Variants in DNER observed in about 807,000 individuals in gnomAD.
DNER encodes delta and Notch-like epidermal growth factor-related receptor.
DNER carries 33 observed loss-of-function variants against 78.2 expected under a neutral mutation model. The ratio of observed to expected loss-of-function variants is 0.42; its 90% confidence interval spans 0.32 to 0.56. DNER has a LOEUF of 0.56. Among genes scored for constraint, DNER ranks in the 20% least tolerant of loss-of-function variants. The probability of loss-of-function intolerance (pLI) is 0.11; values close to 1 mark genes in which losing one functional copy is unlikely to be tolerated. For synonymous variants in DNER, 417 were observed against 384.8 expected, an observed-to-expected ratio of 1.08 and a Z score of -0.98; for missense variants, 918 against 975.3, an observed-to-expected ratio of 0.94 and a Z score of 0.78.
chr2:229,668,528 GTGTGTGTGTATATATATATATATATATA>G (rs1266488851), intron 1 of DNER, among the ~76,000 whole-genome samples: 33 of 49,598 alleles, frequency 6.7e-4, no homozygotes, highest in South Asian at 3.3e-3. Context: ...GTGTGTGTGT[GTGTGTGTGTATATATATATATATATATA>G]TATATATATA....
At chr2:229,526,564 T>G (rs1696212507) in intron 5 of DNER, among the ~76,000 whole-genome samples, 1 of 152,184 alleles carries the variant, frequency 6.6e-6, no homozygotes, top group Admixed American at 6.5e-5. Flanking sequence ...CCTCAGCTCA[T>G]CGGGCATTAG....
At chr2:229,507,227 G>A (rs928190638) in intron 6 of DNER, among the ~76,000 whole-genome samples, 19 of 152,184 alleles carry the variant, frequency 1.2e-4, no homozygotes, top group South Asian at 4.2e-4. Context: ...ATACAGCATT[G>A]TAATCTTATG....
intron 3 of DNER, chr2:229,586,949 C>A: frequency 1.0e-6 from 1 of 985,418 alleles, no homozygotes; most frequent in Non-Finnish European, 1.2e-6. Flanking sequence ...AGCTAGTAAC[C>A]CCCACAAGTG....
rs535684067 is a variant in DNER, at chr2:229,478,076, C to T, written c.1148-823G>A. On this transcript the variant is annotated intron_variant, in intron 6 of 12. Coordinates refer to ENST00000341772, the MANE Select transcript of DNER (RefSeq NM_139072.4). The stretch of plus-strand genomic sequence containing the variant: ...AAATTTCTCATTATAAAGTGGAAAA[C>T]GGTAAAGAAAGTTTGGAAAATTTAA... Among the ~76,000 whole-genome samples, 50 of 151,852 alleles carry T rather than the reference C, an allele frequency of 3.3e-4. No homozygotes were observed. In the South Asian group the frequency reaches 6.5e-3, roughly 20 times the overall value.
intron 4 of DNER, among the ~76,000 whole-genome samples, chr2:229,563,734 A>G (rs1367872057): frequency 7.5e-6 from 1 of 132,790 alleles, no homozygotes; most frequent in Non-Finnish European, 1.6e-5. Context: ...CATCATCATC[A>G]CCCCATCACC....
chr2:229,493,751 C>T (rs532690650), intron 6 of DNER, among the ~76,000 whole-genome samples: 1 of 152,290 alleles, frequency 6.6e-6, no homozygotes, highest in East Asian at 1.9e-4. Context: ...GACAACTGAT[C>T]AGGTACTTGC....
Position 229,608,371 on chromosome 2 carries a change from C to T in DNER, c.277-16483G>A, listed in dbSNP as rs1278094957. ...GTTGCAACAGACATGTGACCCACAA[C>T]GCCTAAACTATTTACTCTCTGGCTG... On this transcript the variant is annotated intron_variant, in intron 1 of 12. Coordinates refer to ENST00000341772, the MANE Select transcript of DNER (RefSeq NM_139072.4). Among the ~76,000 whole-genome samples the T allele has an allele frequency of 7.9e-5, 12 of 152,296 alleles. No individual in the cohort carries two copies. The East Asian group carries it at 1.4e-3, about 17-fold the overall frequency.
chr2:229,394,346 T>C (rs1182501186), intron 10 of DNER, among the ~76,000 whole-genome samples: 1 of 151,766 alleles, frequency 6.6e-6, no homozygotes, highest in African/African-American at 2.4e-5. Context: ...GGATCCGCCA[T>C]CTTGTTTCCC....
chr2:229,391,461 G>A (rs1164666110), intron 10 of DNER, among the ~76,000 whole-genome samples: 1 of 152,058 alleles, frequency 6.6e-6, no homozygotes, highest in African/African-American at 2.4e-5. Flanking sequence ...AACATCTATT[G>A]AGAAAATACA....
In DNER at chr2:229,552,793, C is replaced by T. The variant is rs1471935531; in HGVS notation, c.848-5701G>A. Among the ~76,000 whole-genome samples the T allele has an allele frequency of 3.3e-5, 5 of 152,106 alleles. No individual in the cohort carries two copies. The East Asian group carries it at 7.7e-4, about 23-fold the overall frequency. On this transcript the variant is annotated intron_variant, in intron 4 of 12. Transcript: ENST00000341772. ...AGGTGGGGTTCTCTTAAATTGGGAT[C>T]CATACCATCATCTGCCTATACTGTT...
At chr2:229,545,047 C>A (rs146884000) in intron 5 of DNER, among the ~76,000 whole-genome samples, 3,740 of 152,296 alleles carry the variant, frequency 0.025, 74 homozygotes, top group Non-Finnish European at 0.037. Flanking sequence ...CCCTCAAAAT[C>A]TCAAACAAAC....
At chr2:229,457,042 G>A (rs1272076832) in intron 7 of DNER, among the ~76,000 whole-genome samples, 2 of 151,966 alleles carry the variant, frequency 1.3e-5, no homozygotes, top group South Asian at 2.1e-4. Flanking sequence ...AAATAAACTC[G>A]TCAAACAGAA....
chr2:229,503,699 T>C (rs1288540384), intron 6 of DNER, among the ~76,000 whole-genome samples: 2 of 152,172 alleles, frequency 1.3e-5, no homozygotes, highest in Non-Finnish European at 2.9e-5. Context: ...AGGATTCTAG[T>C]AATGTGGGGG....
intron 1 of DNER, among the ~76,000 whole-genome samples, chr2:229,608,553 C>G (rs1041072433): frequency 3.9e-5 from 6 of 152,070 alleles, no homozygotes; most frequent in Non-Finnish European, 8.8e-5. Flanking sequence ...ATCTGAAAGC[C>G]ACAGACAAAT....
At chr2:229,405,260 G>A (rs1380076051) in intron 10 of DNER, among the ~76,000 whole-genome samples, 1 of 152,178 alleles carries the variant, frequency 6.6e-6, no homozygotes, top group Admixed American at 6.5e-5. Flanking sequence ...CAGTATTTGT[G>A]TCAAGACAAG....
chr2:229,460,022 T>C (rs962662426), intron 7 of DNER, among the ~76,000 whole-genome samples: 7 of 151,332 alleles, frequency 4.6e-5, no homozygotes, highest in African/African-American at 1.7e-4. Context: ...CTGGGCGTGG[T>C]GGGGGGTGCC....
At chr2:229,660,680 T>C (rs1164991477) in intron 1 of DNER, among the ~76,000 whole-genome samples, 3 of 152,192 alleles carry the variant, frequency 2.0e-5, no homozygotes, top group Admixed American at 6.5e-5. Flanking sequence ...TTACATGTGA[T>C]ACTAACAAAT....
chr2:229,683,377 A>C (rs1217982497), intron 1 of DNER, among the ~76,000 whole-genome samples: 1 of 152,236 alleles, frequency 6.6e-6, no homozygotes, highest in African/African-American at 2.4e-5. Flanking sequence ...TAGAGCTCTT[A>C]TCAATAGTTA....
chr2:229,603,245 A>G (rs767058751), intron 1 of DNER, among the ~76,000 whole-genome samples: 18 of 152,196 alleles, frequency 1.2e-4, no homozygotes, highest in Non-Finnish European at 1.8e-4. Flanking sequence ...TATCTGTATA[A>G]CCTTATAGTA....
Sources: gnomAD v4.1 joint callset for allele counts (sites outside exome capture counted in the v4.1 genomes callset) on GRCh38, gnomAD v4.1.1 for gene constraint, MANE v1.5 for transcripts, NCBI Gene and HGNC (gene_info 2026-07-23, HGNC 2026-07-21) for gene names.